TIAM2: variants seen among roughly 807,000 people sequenced by gnomAD.
TIAM2 encodes the protein rho guanine nucleotide exchange factor TIAM2.
In TIAM2, 80 loss-of-function variants were observed where a neutral mutation model predicts 152.9. The ratio of observed to expected loss-of-function variants is 0.52; its 90% CI spans 0.44 to 0.63. TIAM2 has a LOEUF of 0.63. Ranked by LOEUF, TIAM2 falls within the 30% of genes least tolerant of loss-of-function variation. The probability of loss-of-function intolerance (pLI) is 0.00; values close to 1 mark genes in which losing one functional copy is unlikely to be tolerated. For synonymous variants in TIAM2, 804 were observed against 838.0 expected (o/e 0.96, Z 0.70); for missense variants, 1,965 against 2,120.1 (o/e 0.93, Z 1.44).
chr6:155,066,329 G>A (rs148234953), intron 1 of TIAM2, among the ~76,000 whole-genome samples: 2 of 152,296 alleles, frequency 1.3e-5, no homozygotes, highest in African/African-American at 4.8e-5. Flanking sequence ...AGGCTCTTGT[G>A]TATTTACATT....
chr6:155,141,416 C>T lies in TIAM2; in HGVS notation c.1631-3190C>T, dbSNP rs955428337. ...GTGTACACACACACACACACACACACACTCTTAAGCCTAATTTTTAAATTA... is the reference window on the plus strand; with the variant it reads ...GTGTACACACACACACACACACACATACTCTTAAGCCTAATTTTTAAATTA... On this transcript the variant is annotated intron_variant, in intron 5 of 26. Transcript: ENST00000682666. Among the ~76,000 whole-genome samples the T allele has an allele frequency of 2.6e-5, 4 of 152,038 alleles. No individual in the cohort carries two copies. The East Asian group carries it at 7.7e-4, about 29-fold the overall frequency.
At chr6:155,088,346 G>A (rs1319009783) in intron 1 of TIAM2, among the ~76,000 whole-genome samples, 1 of 152,116 alleles carries the variant, frequency 6.6e-6, no homozygotes, top group Non-Finnish European at 1.5e-5. Flanking sequence ...CTCCCAAAGT[G>A]CTGGGATTAC....
At chr6:155,235,538 G>T (rs1231172027) in intron 15 of TIAM2, among the ~76,000 whole-genome samples, 1 of 152,192 alleles carries the variant, frequency 6.6e-6, no homozygotes, top group African/African-American at 2.4e-5. Flanking sequence ...CGAACAGTGG[G>T]TGAACTGAAA....
At chr6:155,056,691 A>G (rs1347367230) in intron 1 of TIAM2, among the ~76,000 whole-genome samples, 1 of 152,166 alleles carries the variant, frequency 6.6e-6, no homozygotes, top group African/African-American at 2.4e-5. Context: ...AAAATAGTAT[A>G]AAGAGTTTCT....
rs1399196070 is a variant in TIAM2 at position 155,253,223 on chromosome 6, GA to G, written c.4225+173del. ...GATGTTCCTTAGCAGACTTCTGGGA[GA>G]AACTAAATGCTGGTGGATAGCTTTT... On this transcript the variant is annotated intron_variant, in intron 24 of 26. Coordinates refer to ENST00000682666, the MANE Select transcript of TIAM2 (RefSeq NM_012454.4). 6 of 550,768 alleles carry G rather than the reference GA, an allele frequency of 1.1e-5. No individual in the cohort carries two copies. The East Asian group carries it at 1.7e-4, about 16-fold the overall frequency. The allele number at this position is 550,768 out of a possible 1,614,324, so 34.1% of individuals were successfully genotyped here.
Position 155,172,653 on chromosome 6 carries a change from TATATATATATATATATATATATATATATA to T in TIAM2, c.2362-4162_2362-4134del, listed in dbSNP as rs1780617420. 7.7e-3 allele frequency among the ~76,000 whole-genome samples: 116 copies of T among 15,084 alleles called. 3 individuals carry two copies. The highest frequency in any genetic ancestry group is 0.017 in the African/African-American group (76 of 4,436). 9.9% of individuals were successfully genotyped at this position (15,084 alleles called of 152,430 possible). A position where few individuals can be genotyped will look rare whatever the true frequency, so the allele number is the denominator to read the frequency against. On this transcript the variant is annotated intron_variant, in intron 9 of 26. Transcript: ENST00000682666. ...GAGGCTAGTTGGAAATATATATATA[TATATATATATATATATATATATATATATA>T]TATATTTTTTTTTTTTTTTTTTTTT...
intron 1 of TIAM2, among the ~76,000 whole-genome samples, chr6:155,028,064 TATATA>T (rs1250886031): frequency 1.6e-4 from 19 of 120,664 alleles, no homozygotes; most frequent in South Asian, 2.5e-4. Flanking sequence ...ATATATACTA[TATATA>T]ATATATGTAC....
intron 9 of TIAM2, among the ~76,000 whole-genome samples, chr6:155,166,293 T>C (rs910766362): frequency 2.0e-5 from 3 of 152,062 alleles, no homozygotes; most frequent in African/African-American, 7.2e-5. Flanking sequence ...AAGGTGACTC[T>C]TGCAACACTT....
At chr6:155,238,571 C>T (rs568617860) in intron 15 of TIAM2, among the ~76,000 whole-genome samples, 4 of 152,318 alleles carry the variant, frequency 2.6e-5, no homozygotes, top group Admixed American at 6.5e-5. Context: ...AGGCCTGGAA[C>T]GTTACTGGGC....
chr6:155,071,496 T>C (rs970739310), intron 1 of TIAM2, among the ~76,000 whole-genome samples: 1 of 152,240 alleles, frequency 6.6e-6, no homozygotes, highest in Non-Finnish European at 1.5e-5. Context: ...CAAAGACTCA[T>C]TGAACAGAGC....
At chr6:155,110,313 C>CTCTTCT (rs1554231071) in intron 2 of TIAM2, among the ~76,000 whole-genome samples, 32 of 90,354 alleles carry the variant, frequency 3.5e-4, no homozygotes, top group Non-Finnish European at 3.7e-4. Context: ...TTTCCTCTTT[C>CTCTTCT]TTTTCTTTTT....
chr6:155,018,187 G>A (rs1299945273), intron 1 of TIAM2, among the ~76,000 whole-genome samples: 1 of 149,998 alleles, frequency 6.7e-6, no homozygotes, highest in African/African-American at 2.5e-5. Flanking sequence ...ATAGTGAGCT[G>A]TGTTCCTGCC....
At chr6:155,249,647 T>G (rs543217591) in intron 20 of TIAM2, among the ~76,000 whole-genome samples, 1 of 152,278 alleles carries the variant, frequency 6.6e-6, no homozygotes, top group Non-Finnish European at 1.5e-5. Context: ...CAAAAAGAAT[T>G]TGAAGTAGGA....
intron 17 of TIAM2, 75 bp downstream of exon 17, chr6:155,244,154 G>A (rs745329830): frequency 3.6e-5 from 49 of 1,350,362 alleles, no homozygotes; most frequent in Non-Finnish European, 5.2e-5. Context: ...GAACTCCTAT[G>A]AGAGTATCTC....
intron 14 of TIAM2, 108 bp downstream of exon 14, chr6:155,183,608 T>C: frequency 7.4e-7 from 1 of 1,349,274 alleles, no homozygotes; most frequent in East Asian, 2.5e-5. Flanking sequence ...TCAAAGAATG[T>C]TTTCTAATTT....
intron 1 of TIAM2, among the ~76,000 whole-genome samples, chr6:155,046,176 C>G (rs536835086): frequency 6.6e-6 from 1 of 151,870 alleles, no homozygotes; most frequent in Non-Finnish European, 1.5e-5. Context: ...TTTATCTGCC[C>G]TCTCTTTTCT....
rs568821803 is a variant in TIAM2 at position 155,061,903 on chromosome 6, G to A, written c.-208-28386G>A. 6.6e-5 allele frequency among the ~76,000 whole-genome samples: 10 copies of A among 152,226 alleles called. No individual in the cohort carries two copies. The South Asian group carries it at 8.3e-4, about 13-fold the overall frequency. ...GGGTTTTTCACAAATGCATGGAGTC[G>A]TATAGCCACCACCACAGTGCTGTAC... On this transcript the variant is annotated intron_variant, in intron 1 of 26. Coordinates refer to ENST00000682666, the MANE Select transcript of TIAM2 (RefSeq NM_012454.4).
intron 1 of TIAM2, among the ~76,000 whole-genome samples, chr6:154,997,094 A>G (rs1472595351): frequency 6.6e-6 from 1 of 152,088 alleles, no homozygotes. Flanking sequence ...CCCCGCTTGC[A>G]CACTGCCTGC....
At chr6:155,153,562 T>C (rs1366203370) in intron 7 of TIAM2, among the ~76,000 whole-genome samples, 1 of 152,114 alleles carries the variant, frequency 6.6e-6, no homozygotes, top group Non-Finnish European at 1.5e-5. Flanking sequence ...CTGAGTTATG[T>C]TTGCTGTGCC....
Sources: allele counts gnomAD v4.1 joint callset (sites outside exome capture counted in the v4.1 genomes callset), GRCh38; gene constraint gnomAD v4.1.1; transcripts MANE v1.5; gene names NCBI Gene and HGNC (gene_info 2026-07-23, HGNC 2026-07-21).